Variants in NSUN4 observed in about 807,000 individuals in gnomAD.
NSUN4 encodes 5-cytosine rRNA methyltransferase NSUN4.
NSUN4 carries 31 observed loss-of-function variants against 43.8 expected under a neutral mutation model. The observed-to-expected ratio is 0.71, with a 90% CI of 0.53 to 0.96. NSUN4 has a LOEUF of 0.96. Among genes scored for constraint, NSUN4 ranks in the 40% least tolerant of loss-of-function variants. The pLI is 0.00. For missense variants in NSUN4, 439 were observed against 475.6 expected, an observed-to-expected ratio of 0.92 and a Z score of 0.72; for synonymous variants, 167 against 184.1, an observed-to-expected ratio of 0.91 and a Z score of 0.75.
intron 1 of NSUN4, 59 bp downstream of exon 1, chr1:46,340,978 T>A (rs763515026): frequency 6.8e-7 from 1 of 1,466,284 alleles, no homozygotes; most frequent in South Asian, 1.2e-5. Context: ...CTCCAGTCTT[T>A]CCGTTTCCCG....
At chr1:46,344,770 A>G in intron 1 of NSUN4, 31 bp from the exon 2 acceptor site, 2 of 1,587,676 alleles carry the variant, frequency 1.3e-6, no homozygotes, top group Non-Finnish European at 1.7e-6. Flanking sequence ...CAAGACTGGG[A>G]AAACCAATAA....
At chr1:46,344,724 G>T (rs979963058) in intron 1 of NSUN4, 77 bp from the exon 2 acceptor site, 2 of 1,301,522 alleles carry the variant, frequency 1.5e-6, no homozygotes, top group African/African-American at 3.0e-5. Flanking sequence ...TTGCCCCTAG[G>T]CTCTGAGGTG....
downstream of NSUN4, among the ~76,000 whole-genome samples, chr1:46,368,565 C>T (rs1373457068): frequency 6.6e-6 from 1 of 152,156 alleles, no homozygotes; most frequent in African/African-American, 2.4e-5. Context: ...GGTTAGGTGA[C>T]CCAAACAGCA....
At chr1:46,376,470 A>G in the NSUN4 span, among the ~76,000 whole-genome samples, 1 of 152,134 alleles carries the variant, frequency 6.6e-6, no homozygotes, top group Non-Finnish European at 1.5e-5. Flanking sequence ...GTGAATTTAT[A>G]ATTTAGATGA....
chr1:46,371,345 G>A, the NSUN4 span, among the ~76,000 whole-genome samples: 819 of 146,756 alleles, frequency 5.6e-3, 8 homozygotes, highest in African/African-American at 0.019. Context: ...TTGCTCTGTC[G>A]CCCAAGCTGG....
At position 46,363,930 on chromosome 1, in the gene NSUN4, A is replaced by G. The variant is rs764175491; in HGVS notation, c.*2084A>G. On this transcript the variant is annotated 3_prime_UTR_variant, in exon 6 of 6. Transcript: ENST00000474844. ...TATGGAGTTATTCTTTACATACAAT[A>G]TAGTTCATAAATTTTAAATATATTG... 6.6e-6 allele frequency: 1 copy of G among 152,146 alleles called. No individual in the cohort carries two copies. The highest frequency in any genetic ancestry group is 2.4e-5 in the African/African-American group (1 of 41,436). The allele number at this position is 152,146 out of a possible 1,614,324, so 9.4% of individuals were successfully genotyped here. A position where few individuals can be genotyped will look rare whatever the true frequency, so the allele number is the denominator to read the frequency against.
downstream of NSUN4, among the ~76,000 whole-genome samples, chr1:46,368,700 A>C (rs1274078293): frequency 6.6e-6 from 1 of 152,234 alleles, no homozygotes; most frequent in Admixed American, 6.5e-5. Context: ...AAATTTTAAC[A>C]TATGTCATTT....
intron 1 of NSUN4, chr1:46,343,249 G>C: frequency 2.6e-6 from 1 of 385,558 alleles, no homozygotes; most frequent in Non-Finnish European, 4.5e-6. Flanking sequence ...CCCCAACCTC[G>C]TTGTCAGCCT....
rs558367722 is a variant in NSUN4, at chr1:46,354,211, G to T, written c.753+1183G>T. ...AGCCTCAACCTCCTGGGCTCAAGGG[G>T]TCCTCCTGCCTCAGTTTCCCGAGTA... is the stretch of plus-strand genomic sequence containing the variant. On this transcript the variant is annotated intron_variant, in intron 4 of 5. Transcript: ENST00000474844. Among the ~76,000 whole-genome samples, 12 of 151,532 alleles carry T rather than the reference G, an allele frequency of 7.9e-5. No individual in the cohort carries two copies. The East Asian group carries it at 2.4e-3, about 30-fold the overall frequency.
rs190978958 is a variant in NSUN4, at chr1:46,358,424, A to T, written c.754-2280A>T. On this transcript the variant is annotated intron_variant, in intron 4 of 5. Transcript: ENST00000474844. ...TTTTTTTTTTTTTTTTTTTTTTGAG[A>T]TGGAGTCTCACTCTGTTGCCAGGCT... Among the ~76,000 whole-genome samples, 13 of 75,040 alleles carry T rather than the reference A, an allele frequency of 1.7e-4. No individual in the cohort carries two copies. The East Asian group carries it at 3.4e-3, about 19-fold the overall frequency. The allele number at this position is 75,040 out of a possible 152,430, so 49.2% of individuals were successfully genotyped here.
the NSUN4 span, among the ~76,000 whole-genome samples, chr1:46,381,427 C>T: frequency 6.6e-6 from 1 of 152,162 alleles, no homozygotes; most frequent in African/African-American, 2.4e-5. Flanking sequence ...GGACTTGCTG[C>T]ACTGGCCTCC....
At chr1:46,348,309 C>A (rs1175816631) in intron 3 of NSUN4, among the ~76,000 whole-genome samples, 1 of 152,210 alleles carries the variant, frequency 6.6e-6, no homozygotes, top group Non-Finnish European at 1.5e-5. Context: ...CTCTGCTGGC[C>A]GGTTCAGAAA....
intron 3 of NSUN4, among the ~76,000 whole-genome samples, chr1:46,351,321 G>A (rs1027918162): frequency 6.6e-6 from 1 of 152,130 alleles, no homozygotes; most frequent in African/African-American, 2.4e-5. Context: ...CCGAGATCGC[G>A]CCATTGCACT....
At chr1:46,348,115 T>C (rs1339410542) in intron 3 of NSUN4, among the ~76,000 whole-genome samples, 2 of 152,026 alleles carry the variant, frequency 1.3e-5, no homozygotes, top group African/African-American at 4.8e-5. Flanking sequence ...CTCCTGACCT[T>C]GTGATCTGCC....
At chr1:46,351,641 C>A (rs757702834) in intron 3 of NSUN4, among the ~76,000 whole-genome samples, 7 of 144,176 alleles carry the variant, frequency 4.9e-5, no homozygotes, top group Non-Finnish European at 1.1e-4. Context: ...ACCTGGGCAA[C>A]ATAGTGAGAC....
chr1:46,371,759 T>C, the NSUN4 span, among the ~76,000 whole-genome samples: 1 of 151,776 alleles, frequency 6.6e-6, no homozygotes, highest in Admixed American at 6.6e-5. Flanking sequence ...TCAATCATGA[T>C]GAAGGTGAAG....
intron 4 of NSUN4, among the ~76,000 whole-genome samples, chr1:46,358,000 C>T (rs1663504394): frequency 6.6e-6 from 1 of 152,140 alleles, no homozygotes; most frequent in Non-Finnish European, 1.5e-5. Flanking sequence ...CTGCAACCTC[C>T]ACCTTCCGGG....
the NSUN4 span, among the ~76,000 whole-genome samples, chr1:46,381,430 T>C: frequency 2.0e-5 from 3 of 152,194 alleles, no homozygotes; most frequent in Non-Finnish European, 4.4e-5. Context: ...CTTGCTGCAC[T>C]GGCCTCCAAA....
intron 1 of NSUN4, chr1:46,341,702 A>T (rs1037722004): frequency 2.7e-5 from 33 of 1,225,842 alleles, no homozygotes; most frequent in Non-Finnish European, 3.2e-5. Flanking sequence ...CCTCTTCCCC[A>T]CTCCTGGAAA....
Sources: allele counts gnomAD v4.1 joint callset (sites outside exome capture counted in the v4.1 genomes callset), GRCh38; gene constraint gnomAD v4.1.1; transcripts MANE v1.5; gene names NCBI Gene and HGNC (gene_info 2026-07-23, HGNC 2026-07-21).